Variants in LRP1B observed in about 807,000 individuals in gnomAD.
LRP1B encodes low-density lipoprotein receptor-related protein 1B.
LRP1B carries 217 observed loss-of-function variants against 556.6 expected under a neutral mutation model. The observed-to-expected ratio is 0.39, with a 90% CI of 0.35 to 0.44. LRP1B has a LOEUF of 0.44. Among genes scored for constraint, LRP1B ranks in the 20% least tolerant of loss-of-function variants. The pLI, the probability that LRP1B is intolerant of heterozygous loss-of-function variation, is 1.00. For missense variants in LRP1B, 5,053 were observed against 5,620.8 expected, an observed-to-expected ratio of 0.90 and a Z score of 3.23; for synonymous variants, 2,047 against 1,865.8, an observed-to-expected ratio of 1.10 and a Z score of -2.50.
At chr2:140,716,131 T>A (rs1687201257) in intron 36 of LRP1B, 29 bp from the exon 37 acceptor site, 1 of 1,498,024 alleles carries the variant, frequency 6.7e-7, no homozygotes, top group Non-Finnish European at 9.1e-7. Context: ...GTGTTTATAA[T>A]ACAGTTTTGA....
intron 2 of LRP1B, among the ~76,000 whole-genome samples, chr2:141,783,687 A>T (rs986290283): frequency 1.3e-5 from 2 of 151,958 alleles, no homozygotes; most frequent in African/African-American, 4.8e-5. Context: ...ATCCCTAAGA[A>T]AATATTTCAT....
Position 141,808,811 on chromosome 2 carries a change from A to G in LRP1B, c.205+1468T>C, listed in dbSNP as rs569474263. Among the ~76,000 whole-genome samples the G allele has an allele frequency of 1.7e-4, 26 of 152,084 alleles. No individual in the cohort carries two copies. In the East Asian group the frequency reaches 4.5e-3, roughly 26 times the overall value. Reference sequence around the variant, plus strand: ...ACTTTCTGTCTCTATAGATTTGCCTATTTTGCATCTTGTATAATATGAAGG... The same window carrying G: ...ACTTTCTGTCTCTATAGATTTGCCTGTTTTGCATCTTGTATAATATGAAGG... On this transcript the variant is annotated intron_variant, in intron 2 of 90. Coordinates refer to ENST00000389484, the MANE Select transcript of LRP1B (RefSeq NM_018557.3).
chr2:141,032,321 G>T lies in LRP1B; in HGVS notation c.1790-12219C>A, dbSNP rs1036142513. 3.3e-5 allele frequency among the ~76,000 whole-genome samples: 5 copies of T among 151,990 alleles called. No individual in the cohort carries two copies. In the East Asian group the frequency reaches 9.6e-4, roughly 29 times the overall value. On this transcript the variant is annotated intron_variant, in intron 11 of 90. Coordinates refer to ENST00000389484, the MANE Select transcript of LRP1B (RefSeq NM_018557.3). The stretch of plus-strand genomic sequence containing the variant: ...TCCAATTTATGATTACAAATAATGT[G>T]TCTTTTTGAACATGTGTATACGTCT...
At chr2:142,043,824 T>A (rs1015411797) in intron 1 of LRP1B, among the ~76,000 whole-genome samples, 1 of 151,640 alleles carries the variant, frequency 6.6e-6, no homozygotes, top group Non-Finnish European at 1.5e-5. Flanking sequence ...TAGGGTCATA[T>A]TTTACCCTTC....
intron 49 of LRP1B, among the ~76,000 whole-genome samples, chr2:140,518,611 A>G (rs911270812): frequency 6.6e-6 from 1 of 152,190 alleles, no homozygotes; most frequent in Non-Finnish European, 1.5e-5. Context: ...AGTTTCGTAG[A>G]GCAGTGGTTT....
rs1697880190 is a variant in LRP1B at position 141,015,672 on chromosome 2, A to C, written c.2190+24T>G. The C allele has an allele frequency of 1.9e-6, 3 of 1,568,542 alleles. No homozygotes were observed. The South Asian group carries it at 3.3e-5, about 18-fold the overall frequency. ...GTGAAAAAAAGAAGCCTGTGGGTTA[A>C]AAACAGCAGCATTTGTCTTTTACCT... On this transcript the variant is annotated intron_variant, in intron 13 of 90. Transcript: ENST00000389484.
intron 41 of LRP1B, among the ~76,000 whole-genome samples, chr2:140,691,488 C>CAA (rs35775292): frequency 0.063 from 5,824 of 92,604 alleles, 203 homozygotes; most frequent in South Asian, 0.11. Context: ...AACTCCACCT[C>CAA]AAAAAAAAAA....
At chr2:141,808,180 C>T (rs766880871) in intron 2 of LRP1B, among the ~76,000 whole-genome samples, 3 of 152,086 alleles carry the variant, frequency 2.0e-5, no homozygotes, top group Non-Finnish European at 4.4e-5. Context: ...ACTACTATTG[C>T]ATTGTGCCAG....
chr2:141,507,183 T>C (rs904449409), intron 2 of LRP1B, among the ~76,000 whole-genome samples: 7 of 152,188 alleles, frequency 4.6e-5, no homozygotes, highest in African/African-American at 1.7e-4. Context: ...ACAATGAATT[T>C]TGAAAATAAG....
Position 140,393,859 on chromosome 2 carries a change from ATC to A in LRP1B, c.10415-7852_10415-7851del, listed in dbSNP as rs1684133705. 1.3e-5 allele frequency among the ~76,000 whole-genome samples: 2 copies of A among 152,146 alleles called. 1 individual carries two copies. The highest frequency in any genetic ancestry group is 4.1e-4 in the South Asian group (2 of 4,826). On this transcript the variant is annotated intron_variant, in intron 66 of 90. Transcript: ENST00000389484. ...TCTTCTCTTGGGAGGCAGATTAACC[ATC>A]TCTTAACTATCAAAGCATGACCTTT...
chr2:141,220,967 A>G (rs939467816), intron 6 of LRP1B, among the ~76,000 whole-genome samples: 1 of 151,790 alleles, frequency 6.6e-6, no homozygotes. Context: ...ACTAAAAAGT[A>G]CACAGACCAA....
chr2:141,764,925 T>C (rs1574335778), intron 2 of LRP1B, among the ~76,000 whole-genome samples: 6 of 152,328 alleles, frequency 3.9e-5, no homozygotes, highest in African/African-American at 1.4e-4. Context: ...TTGTTTTATC[T>C]ATAATATTAT....
At chr2:140,860,058 A>C (rs560325486) in intron 27 of LRP1B, among the ~76,000 whole-genome samples, 1 of 152,250 alleles carries the variant, frequency 6.6e-6, no homozygotes, top group East Asian at 1.9e-4. Flanking sequence ...GCTAAACTTA[A>C]CTTTGAGAAG....
At chr2:140,578,144 A>G (rs1251077390) in intron 43 of LRP1B, among the ~76,000 whole-genome samples, 1 of 152,230 alleles carries the variant, frequency 6.6e-6, no homozygotes, top group Non-Finnish European at 1.5e-5. Flanking sequence ...AAAAAACTGG[A>G]CAAGTTTAAA....
At chr2:140,743,468 A>G (rs2104872627) in intron 35 of LRP1B, among the ~76,000 whole-genome samples, 1 of 152,320 alleles carries the variant, frequency 6.6e-6, no homozygotes, top group South Asian at 2.1e-4. Flanking sequence ...CCTGCCCTTT[A>G]GCAGCAATAT....
intron 1 of LRP1B, among the ~76,000 whole-genome samples, chr2:142,103,790 T>A (rs1706649285): frequency 6.6e-6 from 1 of 151,612 alleles, no homozygotes; most frequent in Non-Finnish European, 1.5e-5. Flanking sequence ...ATAAGGACAA[T>A]ATGCTAAATA....
chr2:141,420,215 T>C (rs73963078), intron 3 of LRP1B, among the ~76,000 whole-genome samples: 1 of 152,304 alleles, frequency 6.6e-6, no homozygotes, highest in African/African-American at 2.4e-5. Flanking sequence ...ACATTTATAA[T>C]TGTTATATTT....
At chr2:141,849,170 T>C (rs1697756553) in intron 1 of LRP1B, among the ~76,000 whole-genome samples, 1 of 151,674 alleles carries the variant, frequency 6.6e-6, no homozygotes, top group Non-Finnish European at 1.5e-5. Context: ...GCTTACAATG[T>C]CTTGCATCTA....
intron 2 of LRP1B, among the ~76,000 whole-genome samples, chr2:141,733,347 A>G (rs570000865): frequency 9.9e-5 from 15 of 152,144 alleles, no homozygotes; most frequent in Admixed American, 7.9e-4. Flanking sequence ...AAATGCACCA[A>G]TCCTGTAGAC....
Sources: allele counts gnomAD v4.1 joint callset (sites outside exome capture counted in the v4.1 genomes callset), GRCh38; gene constraint gnomAD v4.1.1; transcripts MANE v1.5; gene names NCBI Gene and HGNC (gene_info 2026-07-23, HGNC 2026-07-21).